The following SIPA1L1 variants were observed in gnomAD, a reference collection of about 807,000 sequenced individuals.
The protein encoded by SIPA1L1 is signal induced proliferation associated 1 like 1, also known as signal-induced proliferation-associated 1-like protein 1.
Under a neutral mutation model 162.7 loss-of-function variants are expected in SIPA1L1, and 26 were observed. That is an observed-to-expected ratio of 0.16 (90% CI 0.12 to 0.22). The LOEUF is 0.22. SIPA1L1 is among the 10% of genes least tolerant of loss of function. The pLI is 1.00. For missense variants in SIPA1L1, 1,874 were observed against 2,241.0 expected (o/e 0.84, Z 3.31); for synonymous variants, 829 against 837.4 (o/e 0.99, Z 0.17).
chr14:71,597,423 T>C (rs1378201156), intron 5 of SIPA1L1, among the ~76,000 whole-genome samples: 2 of 152,180 alleles, frequency 1.3e-5, no homozygotes, highest in African/African-American at 2.4e-5. Context: ...TTCTTATTTT[T>C]CTTGTTTTTT....
intron 12 of SIPA1L1, 143 bp from the exon 13 acceptor site, chr14:71,685,219 T>G (rs1482440537): frequency 1.3e-5 from 12 of 899,846 alleles, no homozygotes; most frequent in Non-Finnish European, 2.1e-5. Flanking sequence ...AAATAAGTAC[T>G]AGGGCCCAAA....
At chr14:71,573,644 T>C (rs1470056824) in intron 4 of SIPA1L1, 4 of 456,592 alleles carry the variant, frequency 8.8e-6, no homozygotes, top group Admixed American at 2.4e-5. Context: ...CAACTATGCA[T>C]TTCCAAATGT....
chr14:71,630,296 G>A (rs2148714564), intron 7 of SIPA1L1, among the ~76,000 whole-genome samples: 1 of 152,312 alleles, frequency 6.6e-6, no homozygotes, highest in East Asian at 1.9e-4. Flanking sequence ...GTGTTCACAA[G>A]TAGTGATCAC....
At chr14:71,348,727 CA>C (rs2036419170) in intron 2 of SIPA1L1, among the ~76,000 whole-genome samples, 1 of 152,164 alleles carries the variant, frequency 6.6e-6, no homozygotes. Flanking sequence ...TTAATTTTAA[CA>C]AAAGGGATTT....
At chr14:71,651,468 AAG>A (rs996244445) in intron 8 of SIPA1L1, among the ~76,000 whole-genome samples, 1 of 152,220 alleles carries the variant, frequency 6.6e-6, no homozygotes, top group Non-Finnish European at 1.5e-5. Context: ...AACGACATGC[AAG>A]AGAGACTATT....
chr14:71,715,518 G>A (rs1258757159), intron 17 of SIPA1L1, among the ~76,000 whole-genome samples: 2 of 152,200 alleles, frequency 1.3e-5, no homozygotes, highest in Non-Finnish European at 2.9e-5. Flanking sequence ...GCCTGCAGCT[G>A]GTAATGTGCC....
intron 2 of SIPA1L1, among the ~76,000 whole-genome samples, chr14:71,373,047 T>G (rs1177653544): frequency 6.6e-6 from 1 of 152,136 alleles, no homozygotes; most frequent in East Asian, 1.9e-4. Context: ...TGCAGTGGCT[T>G]ATGCCTGTAA....
intron 8 of SIPA1L1, among the ~76,000 whole-genome samples, chr14:71,653,604 G>A (rs947179933): frequency 4.6e-5 from 7 of 152,062 alleles, no homozygotes; most frequent in African/African-American, 1.4e-4. Context: ...CTCATCTTCT[G>A]TATTCTTTTT....
intron 16 of SIPA1L1, among the ~76,000 whole-genome samples, chr14:71,708,015 G>GTTTTTTTTTTTTGTTT (rs2082584782): frequency 2.0e-5 from 2 of 100,300 alleles, no homozygotes; most frequent in Admixed American, 1.1e-4. Flanking sequence ...GTTTTTTGGT[G>GTTTTTTTTTTTTGTTT]TTTTTTTTTT....
intron 12 of SIPA1L1, among the ~76,000 whole-genome samples, chr14:71,683,016 T>A (rs1423526350): frequency 6.6e-6 from 1 of 152,140 alleles, no homozygotes; most frequent in Non-Finnish European, 1.5e-5. Context: ...TAGCTGAGCG[T>A]GGCAGTGCAC....
At chr14:71,420,666 T>TA (rs1465221069) in intron 2 of SIPA1L1, among the ~76,000 whole-genome samples, 1 of 152,164 alleles carries the variant, frequency 6.6e-6, no homozygotes, top group Non-Finnish European at 1.5e-5. Flanking sequence ...CCCATATACT[T>TA]ATCATCTAGC....
At chr14:71,700,362 TAAAAAA>T (rs1175167745) in intron 14 of SIPA1L1, among the ~76,000 whole-genome samples, 1 of 152,190 alleles carries the variant, frequency 6.6e-6, no homozygotes, top group African/African-American at 2.4e-5. Context: ...GCCTGTCTCT[TAAAAAA>T]TAAAAAAGTA....
intron 2 of SIPA1L1, among the ~76,000 whole-genome samples, chr14:71,363,021 GCA>G (rs1418152436): frequency 1.3e-5 from 2 of 152,164 alleles, no homozygotes; most frequent in African/African-American, 4.8e-5. Flanking sequence ...AGTTACGTGT[GCA>G]CACACACGCA....
intron 2 of SIPA1L1, among the ~76,000 whole-genome samples, chr14:71,430,412 A>G (rs139645393): frequency 0.017 from 2,515 of 152,234 alleles, 44 homozygotes; most frequent in South Asian, 0.059. Context: ...TTTCTCCACA[A>G]TAGTTACGTC....
intron 2 of SIPA1L1, among the ~76,000 whole-genome samples, chr14:71,345,892 C>T (rs1049109445): frequency 6.6e-6 from 1 of 150,628 alleles, no homozygotes; most frequent in South Asian, 2.1e-4. Flanking sequence ...TTATATGCAT[C>T]CCTGAATAAA....
At chr14:71,657,233 A>G (rs2149187890) in intron 8 of SIPA1L1, among the ~76,000 whole-genome samples, 1 of 151,868 alleles carries the variant, frequency 6.6e-6, no homozygotes, top group Non-Finnish European at 1.5e-5. Flanking sequence ...TTATAGTCCC[A>G]GCTACTCAGG....
chr14:71,542,888 C>T (rs2054607319), intron 4 of SIPA1L1, among the ~76,000 whole-genome samples: 1 of 151,706 alleles, frequency 6.6e-6, no homozygotes, highest in Admixed American at 6.6e-5. Flanking sequence ...CCTGCCCCTT[C>T]ATTTCTTCTG....
chr14:71,556,564 C>T (rs1051493600), intron 4 of SIPA1L1, among the ~76,000 whole-genome samples: 2 of 152,206 alleles, frequency 1.3e-5, no homozygotes. Flanking sequence ...GCTGGAGCAG[C>T]TTACAGAACT....
At chr14:71,413,295 C>T (rs2042536992) in intron 2 of SIPA1L1, among the ~76,000 whole-genome samples, 1 of 152,138 alleles carries the variant, frequency 6.6e-6, no homozygotes, top group African/African-American at 2.4e-5. Context: ...ATCAAAATCA[C>T]TTTGTTGTTG....
Sources: allele counts gnomAD v4.1 joint callset (sites outside exome capture counted in the v4.1 genomes callset), GRCh38; gene constraint gnomAD v4.1.1; transcripts MANE v1.5; gene names NCBI Gene and HGNC (gene_info 2026-07-23, HGNC 2026-07-21).